DOCK5: variants seen among roughly 807,000 people sequenced by gnomAD.
DOCK5 encodes dedicator of cytokinesis 5.
In DOCK5, 142 loss-of-function variants were observed where a neutral mutation model predicts 251.8. The observed-to-expected ratio is 0.56, with a 90% CI of 0.49 to 0.65. The LOEUF (loss-of-function observed/expected upper bound fraction) is 0.65, where lower values mean the gene tolerates loss of function less well. Ranked by LOEUF, DOCK5 falls within the 30% of genes least tolerant of loss-of-function variation. The pLI is 0.00. For missense variants in DOCK5, 2,111 were observed against 2,312.3 expected (o/e 0.91, Z 1.79); for synonymous variants, 842 against 835.5 (o/e 1.01, Z -0.13).
intron 46 of DOCK5, 43 bp downstream of exon 46, chr8:25,400,037 G>A: frequency 6.7e-7 from 1 of 1,495,318 alleles, no homozygotes; most frequent in East Asian, 2.3e-5. Flanking sequence ...AGGCCACAGT[G>A]TGGGACACCC....
intron 2 of DOCK5, among the ~76,000 whole-genome samples, chr8:25,267,137 A>G (rs1343843033): frequency 6.6e-6 from 1 of 152,208 alleles, no homozygotes; most frequent in Non-Finnish European, 1.5e-5. Context: ...AAGCAAGTAT[A>G]TACAGATGGG....
At chr8:25,222,654 T>C (rs1802425207) in intron 1 of DOCK5, among the ~76,000 whole-genome samples, 1 of 152,206 alleles carries the variant, frequency 6.6e-6, no homozygotes, top group Admixed American at 6.5e-5. Context: ...AATCCTTTCT[T>C]CCTTTCTAAT....
intron 1 of DOCK5, among the ~76,000 whole-genome samples, chr8:25,242,456 T>G (rs1381656237): frequency 6.6e-6 from 1 of 152,254 alleles, no homozygotes; most frequent in Non-Finnish European, 1.5e-5. Flanking sequence ...GAGTTCTAGT[T>G]TCTCCACATT....
chr8:25,264,888 C>T (rs60462852), intron 2 of DOCK5, among the ~76,000 whole-genome samples: 5,890 of 152,022 alleles, frequency 0.039, 476 homozygotes, highest in African/African-American at 0.13. Context: ...AACCCTCCAA[C>T]GCTTCCTGCT....
At chr8:25,291,291 G>C (rs1804478944) in intron 5 of DOCK5, among the ~76,000 whole-genome samples, 1 of 152,116 alleles carries the variant, frequency 6.6e-6, no homozygotes, top group Non-Finnish European at 1.5e-5. Context: ...GGAGGGTGTA[G>C]AAATGGCTCG....
chr8:25,275,901 T>C (rs1000638280), intron 4 of DOCK5, among the ~76,000 whole-genome samples: 3 of 152,218 alleles, frequency 2.0e-5, no homozygotes, highest in Admixed American at 2.0e-4. Context: ...GAGAGAGAAA[T>C]GAAGAAAAAC....
At chr8:25,228,669 C>T (rs1384469340) in intron 1 of DOCK5, among the ~76,000 whole-genome samples, 1 of 152,198 alleles carries the variant, frequency 6.6e-6, no homozygotes, top group African/African-American at 2.4e-5. Flanking sequence ...GGTAACCTGA[C>T]ATAAATATGC....
intron 2 of DOCK5, among the ~76,000 whole-genome samples, chr8:25,251,735 TC>T (rs993785216): frequency 1.3e-5 from 2 of 152,156 alleles, no homozygotes; most frequent in African/African-American, 2.4e-5. Context: ...ATGCCTGCAA[TC>T]CCAGTACTTT....
intron 6 of DOCK5, among the ~76,000 whole-genome samples, chr8:25,293,995 A>ATCCC (rs1804555737): frequency 6.6e-6 from 1 of 152,086 alleles, no homozygotes; most frequent in Non-Finnish European, 1.5e-5. Context: ...TAGAGTGAGA[A>ATCCC]TCCCTCTCAA....
At chr8:25,408,255 T>C (rs1475634921) in intron 49 of DOCK5, 101 bp downstream of exon 49, 1 of 1,326,826 alleles carries the variant, frequency 7.5e-7, no homozygotes, top group Non-Finnish European at 1.0e-6. Flanking sequence ...AGCTGGGCTA[T>C]GGCTTGTTTC....
chr8:25,382,331 T>A (rs1427082612), intron 39 of DOCK5, among the ~76,000 whole-genome samples: 1 of 152,206 alleles, frequency 6.6e-6, no homozygotes, highest in Admixed American at 6.5e-5. Context: ...AGCCGCCTTC[T>A]GTGAATCTCA....
intron 1 of DOCK5, among the ~76,000 whole-genome samples, chr8:25,213,531 T>C (rs971892322): frequency 6.6e-6 from 1 of 152,174 alleles, no homozygotes; most frequent in Non-Finnish European, 1.5e-5. Context: ...GTTTGTTTTT[T>C]TGTTTTCCTA....
chr8:25,406,219 A>G (rs1370074592), intron 48 of DOCK5, among the ~76,000 whole-genome samples: 2 of 152,114 alleles, frequency 1.3e-5, no homozygotes, highest in Non-Finnish European at 2.9e-5. Context: ...CAGCTTCCCA[A>G]AGTGCTGGGA....
intron 1 of DOCK5, among the ~76,000 whole-genome samples, chr8:25,232,696 A>G (rs1159804279): frequency 6.6e-6 from 1 of 152,090 alleles, no homozygotes; most frequent in Non-Finnish European, 1.5e-5. Flanking sequence ...TCATGACTTA[A>G]TTACCTCCCA....
chr8:25,400,169 A>G (rs1801413378), intron 46 of DOCK5, among the ~76,000 whole-genome samples, 175 bp downstream of exon 46: 1 of 152,128 alleles, frequency 6.6e-6, no homozygotes, highest in Non-Finnish European at 1.5e-5. Flanking sequence ...TAAACTGCCC[A>G]GGGTTGACGG....
chr8:25,316,391 G>C (rs911700982), intron 13 of DOCK5, among the ~76,000 whole-genome samples: 2 of 152,128 alleles, frequency 1.3e-5, no homozygotes, highest in African/African-American at 4.8e-5. Context: ...TGAGGTGAGA[G>C]AATCACTTGA....
intron 46 of DOCK5, 34 bp downstream of exon 46, chr8:25,400,028 G>T: frequency 6.4e-7 from 1 of 1,564,198 alleles, no homozygotes; most frequent in Non-Finnish European, 8.8e-7. Flanking sequence ...CTCCCAGGGA[G>T]GCCACAGTGT....
chr8:25,395,659 C>T lies in DOCK5; in HGVS notation c.4644C>T (p.Ser1548=), dbSNP rs765489949. 1 of 1,613,736 alleles carries T rather than the reference C, an allele frequency of 6.2e-7. No individual in the cohort carries two copies. The part of the protein sequence containing the change: ...WDRSLSVHPL[S]MLLSGIVDPA... The stretch of plus-strand genomic sequence containing the variant: ...GGTCCCTCTCTGTGCACCCTCTCTC[C>T]ATGCTGCTCAGTGGCATCGTGGACC... Residue 1548 remains serine (S), a synonymous_variant, in exon 45 of 52, where the codon TCC becomes TCT. Transcript: ENST00000276440.
chr8:25,245,022 T>G (rs112922130), intron 2 of DOCK5, among the ~76,000 whole-genome samples: 2,591 of 152,318 alleles, frequency 0.017, 87 homozygotes, highest in African/African-American at 0.059. Flanking sequence ...CAGAATCTTT[T>G]GCTTATGGAA....
Sources: allele counts gnomAD v4.1 joint callset (sites outside exome capture counted in the v4.1 genomes callset), GRCh38; gene constraint gnomAD v4.1.1; transcripts MANE v1.5; gene names NCBI Gene and HGNC (gene_info 2026-07-23, HGNC 2026-07-21).